CCDC83: variants seen among roughly 807,000 people sequenced by gnomAD.
CCDC83 encodes coiled-coil domain-containing protein 83.
A neutral mutation model predicts 50.1 loss-of-function variants in CCDC83; 54 were observed. The ratio of observed to expected loss-of-function variants is 1.08; its 90% CI spans 0.87 to 1.35. CCDC83 has a LOEUF of 1.35. CCDC83 is among the 40% of genes most tolerant of loss of function. The pLI, the probability that CCDC83 is intolerant of heterozygous loss-of-function variation, is 0.00. For synonymous variants in CCDC83, 161 were observed against 153.3 expected (o/e 1.05, Z -0.37); for missense variants, 518 against 473.9 (o/e 1.09, Z -0.86).
intron 7 of CCDC83, among the ~76,000 whole-genome samples, chr11:85,899,552 G>C (rs1310697139): frequency 2.6e-5 from 4 of 152,138 alleles, no homozygotes; most frequent in African/African-American, 9.7e-5. Context: ...CTTGGACTTT[G>C]ATTATCAATT....
intron 8 of CCDC83, 29 bp downstream of exon 8, chr11:85,911,431 T>G: frequency 6.6e-7 from 1 of 1,504,810 alleles, no homozygotes; most frequent in Non-Finnish European, 8.9e-7. Context: ...TAGAGAGTAT[T>G]TTGTAAACAT....
At chr11:85,890,343 A>G (rs1460932198) in intron 5 of CCDC83, among the ~76,000 whole-genome samples, 1 of 152,150 alleles carries the variant, frequency 6.6e-6, no homozygotes, top group Non-Finnish European at 1.5e-5. Flanking sequence ...GTTATGAGAG[A>G]GAGTTGGGGA....
At chr11:85,858,032 G>A (rs1162358436) in intron 1 of CCDC83, among the ~76,000 whole-genome samples, 4 of 152,212 alleles carry the variant, frequency 2.6e-5, no homozygotes, top group Non-Finnish European at 5.9e-5. Flanking sequence ...ATACTGTGGA[G>A]AGAGTCAACA....
At chr11:85,867,420 A>C (rs1279687481) in intron 2 of CCDC83, among the ~76,000 whole-genome samples, 1 of 152,240 alleles carries the variant, frequency 6.6e-6, no homozygotes, top group Admixed American at 6.5e-5. Flanking sequence ...AACAACATTC[A>C]GGGAAAATCT....
intron 1 of CCDC83, among the ~76,000 whole-genome samples, chr11:85,864,313 C>A (rs2093194573): frequency 6.6e-6 from 1 of 152,182 alleles, no homozygotes; most frequent in Non-Finnish European, 1.5e-5. Context: ...GGTACTTATT[C>A]TTTTAAGATT....
intron 3 of CCDC83, among the ~76,000 whole-genome samples, chr11:85,874,479 G>A (rs1006570353): frequency 5.9e-5 from 9 of 152,234 alleles, no homozygotes; most frequent in Non-Finnish European, 1.3e-4. Flanking sequence ...TTGTTTCCAT[G>A]AAGATTGGCT....
At chr11:85,911,030 G>C (rs917591081) in intron 7 of CCDC83, among the ~76,000 whole-genome samples, 1 of 151,882 alleles carries the variant, frequency 6.6e-6, no homozygotes. Context: ...AATTAGCTGG[G>C]CATGGTGGCA....
intron 6 of CCDC83, among the ~76,000 whole-genome samples, chr11:85,896,429 C>CAAAAAAAAAAAAAAAAAAAAAAAAA (rs2093376305): frequency 8.0e-6 from 1 of 125,212 alleles, no homozygotes. Flanking sequence ...AAAAAAAAAC[C>CAAAAAAAAAAAAAAAAAAAAAAAAA]AAAAAACTGA....
intron 8 of CCDC83, among the ~76,000 whole-genome samples, chr11:85,913,170 T>C (rs999145768): frequency 6.6e-6 from 1 of 152,224 alleles, no homozygotes; most frequent in Non-Finnish European, 1.5e-5. Context: ...GTCAAAATAT[T>C]TTCAAGGGAA....
chr11:85,864,593 T>C (rs553252433), intron 1 of CCDC83, among the ~76,000 whole-genome samples: 38 of 152,338 alleles, frequency 2.5e-4, no homozygotes, highest in East Asian at 1.2e-3. Flanking sequence ...TGTGCTTTTA[T>C]TTGCTGTTTG....
chr11:85,890,183 T>G (rs1270959290), intron 5 of CCDC83, among the ~76,000 whole-genome samples: 1 of 152,224 alleles, frequency 6.6e-6, no homozygotes, highest in East Asian at 1.9e-4. Context: ...GTCTAGTTTA[T>G]GACTCATCCC....
At chr11:85,875,591 T>C (rs1387459151) in intron 3 of CCDC83, among the ~76,000 whole-genome samples, 1 of 152,250 alleles carries the variant, frequency 6.6e-6, no homozygotes, top group Non-Finnish European at 1.5e-5. Context: ...ACAGCAAGCT[T>C]TTTAGACAGC....
chr11:85,899,446 G>C (rs1325953480), intron 7 of CCDC83, among the ~76,000 whole-genome samples: 2 of 152,182 alleles, frequency 1.3e-5, no homozygotes, highest in Non-Finnish European at 2.9e-5. Context: ...GTGAGGTACT[G>C]TACTGTTTTC....
At chr11:85,867,726 T>C (rs2093215581) in intron 2 of CCDC83, among the ~76,000 whole-genome samples, 2 of 152,224 alleles carry the variant, frequency 1.3e-5, no homozygotes, top group African/African-American at 4.8e-5. Flanking sequence ...TTTCTCTCTT[T>C]TGGGTGGACC....
intron 4 of CCDC83, among the ~76,000 whole-genome samples, chr11:85,884,560 G>C (rs1472374139): frequency 6.6e-6 from 1 of 152,186 alleles, no homozygotes; most frequent in Non-Finnish European, 1.5e-5. Context: ...AGCATAAAGG[G>C]GATGTTAGTC....
Position 85,917,166 on chromosome 11 carries a change from G to GAGAGAGAAAGAA in CCDC83, c.1080+936_1080+937insGAGAAAGAAAGA, listed in dbSNP as rs756949334. ...AGAGAGAGAGAGAGAGAGAGAGAGAGAGAAAGAAAGAAAGAAAGAAAGAAA... is the reference window on the plus strand; with the variant it reads ...AGAGAGAGAGAGAGAGAGAGAGAGAGAGAGAGAAAGAAAGAAAGAAAGAAAGAAAGAAAGAAA... On this transcript the variant is annotated intron_variant, in intron 10 of 10. Coordinates refer to ENST00000342404, the MANE Select transcript of CCDC83 (RefSeq NM_001286159.2). Among the ~76,000 whole-genome samples, 62 of 62,446 alleles carry GAGAGAGAAAGAA rather than the reference G, an allele frequency of 9.9e-4. No individual in the cohort carries two copies. In the East Asian group the frequency reaches 0.014, roughly 14 times the overall value. 41.0% of individuals were successfully genotyped at this position (62,446 alleles called of 152,430 possible).
chr11:85,918,580 T>G (rs2093493540), intron 10 of CCDC83, among the ~76,000 whole-genome samples: 1 of 152,194 alleles, frequency 6.6e-6, no homozygotes, highest in Non-Finnish European at 1.5e-5. Flanking sequence ...TATCTTAGAT[T>G]TGTAAACCAA....
chr11:85,909,649 G>A (rs2093444030), intron 7 of CCDC83, among the ~76,000 whole-genome samples: 2 of 82,756 alleles, frequency 2.4e-5, no homozygotes, highest in Non-Finnish European at 4.8e-5. Flanking sequence ...TTGAGACGGA[G>A]TCTCGCTCTG....
At chr11:85,883,081 G>T (rs2093309537) in intron 4 of CCDC83, among the ~76,000 whole-genome samples, 1 of 151,962 alleles carries the variant, frequency 6.6e-6, no homozygotes, top group African/African-American at 2.4e-5. Context: ...CTATGCCTGA[G>T]AATTTTGTTC....
Sources: gnomAD v4.1 joint callset for allele counts (sites outside exome capture counted in the v4.1 genomes callset) on GRCh38, gnomAD v4.1.1 for gene constraint, MANE v1.5 for transcripts, NCBI Gene and HGNC (gene_info 2026-07-23, HGNC 2026-07-21) for gene names.